MMS19: variants seen among roughly 807,000 people sequenced by gnomAD.
The protein encoded by MMS19 is MMS19 nucleotide excision repair protein homolog.
MMS19 carries 77 observed loss-of-function variants against 129.8 expected under a neutral mutation model. The observed-to-expected ratio is 0.59, with a 90% confidence interval of 0.49 to 0.72. MMS19 has a LOEUF of 0.72. MMS19 is among the 30% of genes least tolerant of loss of function. The pLI is 0.00. For missense variants in MMS19, 1,168 were observed against 1,266.3 expected (o/e 0.92, Z 1.18); for synonymous variants, 491 against 502.8 (o/e 0.98, Z 0.31).
At chr10:97,471,234 C>T (rs1277372499) in intron 8 of MMS19, among the ~76,000 whole-genome samples, 1 of 151,882 alleles carries the variant, frequency 6.6e-6, no homozygotes, top group Non-Finnish European at 1.5e-5. Context: ...TAATTTTTTT[C>T]ACTTAACATA....
intron 4 of MMS19, 41 bp downstream of exon 4, chr10:97,478,263 C>G: frequency 6.7e-7 from 1 of 1,492,910 alleles, no homozygotes; most frequent in Non-Finnish European, 9.2e-7. Context: ...GACAAGGGCT[C>G]CCTTGAACAA....
rs777390743 is a variant in MMS19, at chr10:97,481,008, C to T, written c.196G>A (p.Ala66Thr). ...SLENPEPRTR[A>T]RAIQLLSQVL... is the part of the protein sequence containing the mutation. ...TGTGACAAAAGCTGGATTGCTCGTGCCCGAGTTCGGGGTTCTGGATTCTCT... is the reference window on the plus strand; with the variant it reads ...TGTGACAAAAGCTGGATTGCTCGTGTCCGAGTTCGGGGTTCTGGATTCTCT... Residue 66 changes from alanine (A) to threonine (T), a missense_variant, in exon 3 of 31, where the codon GCA becomes ACA. Physicochemically the swap from Ala to Thr is moderately conservative, Grantham distance 58. Transcript: ENST00000438925. 2 of 1,608,428 alleles carry T rather than the reference C, an allele frequency of 1.2e-6. No homozygotes were observed. Among genetic ancestry groups the T allele is most frequent in the Non-Finnish European group, 1.7e-6 (2 of 1,177,172 alleles).
chr10:97,477,933 G>C lies in MMS19; in HGVS notation c.349-4C>G, dbSNP rs375338139. ...GGGGCAGGGCCACACACAGGCTCTG[G>C]GGGAGAGGAGAAGGTACGTGAATAC... On this transcript the variant is annotated splice_region_variant and splice_polypyrimidine_tract_variant and intron_variant, in intron 4 of 30. Transcript: ENST00000438925. 2.1e-5 allele frequency: 34 copies of C among 1,588,130 alleles called. No individual in the cohort carries two copies. Among genetic ancestry groups the C allele is most frequent in the Non-Finnish European group, 2.8e-5 (33 of 1,170,298 alleles).
At chr10:97,498,619 T>A, upstream of MMS19, 1 of 525,486 alleles carries the variant, frequency 1.9e-6, no homozygotes, top group Non-Finnish European at 3.3e-6. Flanking sequence ...TGAGGGCGAA[T>A]AATTCCCAGC....
Position 97,474,589 on chromosome 10 carries a change from C to A in MMS19, c.684+2094G>T, listed in dbSNP as rs375088201. On this transcript the variant is annotated intron_variant, in intron 8 of 30. Coordinates refer to ENST00000438925, the MANE Select transcript of MMS19 (RefSeq NM_022362.5). Reference sequence around the variant, plus strand: ...AGAACAGAACCAACAACAATAAAAACCCTGATTTGTAAGACAATAAAGAGT... The same window carrying A: ...AGAACAGAACCAACAACAATAAAAAACCTGATTTGTAAGACAATAAAGAGT... 1.8e-4 allele frequency among the ~76,000 whole-genome samples: 28 copies of A among 152,140 alleles called. No homozygotes were observed. In the South Asian group the frequency reaches 5.6e-3, roughly 30 times the overall value.
At position 97,469,112 on chromosome 10, in the gene MMS19, G is replaced by A. The variant is rs2034158260; in HGVS notation, c.925-8C>T. On this transcript the variant is annotated splice_polypyrimidine_tract_variant and splice_region_variant and intron_variant, in intron 11 of 30. Coordinates refer to ENST00000438925, the MANE Select transcript of MMS19 (RefSeq NM_022362.5). The stretch of plus-strand genomic sequence containing the variant: ...ACTTGCCGTCTGGAACACCTGTCAG[G>A]GAGGGATCCCATGGCTACTGAGGTG... 6.4e-7 allele frequency: 1 copy of A among 1,568,716 alleles called. No individual in the cohort carries two copies. The highest frequency in any genetic ancestry group is 8.6e-7 in the Non-Finnish European group (1 of 1,161,636).
chr10:97,466,574 A>G lies in MMS19; in HGVS notation c.1435T>C (p.Tyr479His). The part of the protein sequence containing the change: ...VLGAQPDLLS[Y>H]EDLELAVGHL... ...CCCACTGCCAGCTCCAAGTCCTCAT[A>G]AGATAGGAGATCTGTAGTTAGAAGG... is the stretch of plus-strand genomic sequence containing the variant. Residue 479 changes from tyrosine (Y) to histidine (H), a missense_variant, in exon 16 of 31, where the codon TAT (tyrosine) becomes CAT (histidine). Coordinates refer to ENST00000438925, the MANE Select transcript of MMS19 (RefSeq NM_022362.5). The G allele has an allele frequency of 6.2e-7, 1 of 1,613,206 alleles. No individual in the cohort carries two copies.
At chr10:97,498,558 G>A (rs2040243019), upstream of MMS19, 1 of 782,496 alleles carries the variant, frequency 1.3e-6, no homozygotes. Context: ...CTGAAATGGG[G>A]CGGTGGCACC....
intron 1 of MMS19, among the ~76,000 whole-genome samples, chr10:97,488,863 C>CA (rs1205207276): frequency 6.6e-6 from 1 of 152,224 alleles, no homozygotes; most frequent in Non-Finnish European, 1.5e-5. Flanking sequence ...TGACTGCAAA[C>CA]AACACATGCC....
chr10:97,483,011 C>T (rs187437091), intron 2 of MMS19, among the ~76,000 whole-genome samples: 38 of 152,028 alleles, frequency 2.5e-4, no homozygotes, highest in Admixed American at 1.4e-3. Context: ...CCGCCCACCT[C>T]GGCCTCCCAA....
chr10:97,458,957 CT>C, intron 29 of MMS19, 57 bp from the exon 30 acceptor site: 1 of 1,527,200 alleles, frequency 6.5e-7, no homozygotes, highest in Non-Finnish European at 9.1e-7. Context: ...GAAAGTACCG[CT>C]TTTTTGATTC....
chr10:97,460,291 T>A, intron 25 of MMS19, 59 bp from the exon 26 acceptor site: 1 of 1,522,564 alleles, frequency 6.6e-7, no homozygotes. Flanking sequence ...GTGCCAAAGA[T>A]AAGGATGGGG....
intron 10 of MMS19, 125 bp from the exon 11 acceptor site, chr10:97,469,848 A>G (rs2034315425): frequency 2.6e-6 from 2 of 762,490 alleles, no homozygotes; most frequent in Non-Finnish European, 4.3e-6. Context: ...AAGATTTTTA[A>G]CAGTCCTACT....
At position 97,462,682 on chromosome 10, in the gene MMS19, T is replaced by C. The variant is rs143832985; in HGVS notation, c.1913A>G (p.Glu638Gly). Residue 638 changes from glutamate to glycine, a missense_variant and splice_region_variant, in exon 20 of 31, where the codon GAG (glutamate) becomes GGG (glycine). Physicochemically the swap from Glu to Gly is moderately conservative, Grantham distance 98 (BLOSUM62 -2). This residue lies in a region of MMS19 where 831 missense variants were observed against 910.8 expected (regional missense o/e 0.91). Transcript: ENST00000438925. The stretch of plus-strand genomic sequence containing the variant: ...TTTTCTCAGAACTGAGGGCTCCTTC[T>C]CTGCAAAACACACACACATGCACAC... ...LALAVQASMP[E>G]KEPSVLRKVL... 338 of 1,610,174 alleles carry C rather than the reference T, an allele frequency of 2.1e-4. No individual in the cohort carries two copies. The highest frequency in any genetic ancestry group is 2.8e-4 in the Non-Finnish European group (327 of 1,176,564).
intron 25 of MMS19, 57 bp downstream of exon 25, chr10:97,460,638 G>T: frequency 7.1e-7 from 1 of 1,414,472 alleles, no homozygotes; most frequent in South Asian, 1.2e-5. Flanking sequence ...GGAGGAATAG[G>T]AGCAACCAGA....
rs376926583 is a variant in MMS19 at position 97,465,864 on chromosome 10, G to A, written c.1697C>T (p.Pro566Leu). Residue 566 changes from proline (P) to leucine (L), a missense_variant, in exon 18 of 31, where the codon CCC (proline) becomes CTC (leucine). By Grantham distance (98) the Pro-to-Leu change is moderately conservative (BLOSUM62 -3). Transcript: ENST00000438925. ...AGGCAGTGTCTCCTTGACGATGCTG[G>A]GATGTGTTGATACAGCTGACAAGGC... The part of the protein sequence containing the change: ...LQALSAVSTH[P>L]SIVKETLPLL... The A allele has an allele frequency of 2.4e-5, 38 of 1,613,816 alleles. No individual in the cohort carries two copies. The African/African-American group carries it at 4.7e-4, about 20-fold the overall frequency.
At chr10:97,494,195 G>C (rs1005270399) in intron 1 of MMS19, among the ~76,000 whole-genome samples, 2 of 152,182 alleles carry the variant, frequency 1.3e-5, no homozygotes, top group African/African-American at 4.8e-5. Context: ...GAGGGTCTAA[G>C]ATTTTCCAAC....
chr10:97,498,783 G>C, upstream of MMS19: 1 of 273,698 alleles, frequency 3.7e-6, no homozygotes, highest in South Asian at 6.6e-5. Context: ...TGGTGGCGGC[G>C]GCGCGGGCAC....
At chr10:97,466,467 G>A in intron 16 of MMS19, 37 bp downstream of exon 16, 3 of 1,496,508 alleles carry the variant, frequency 2.0e-6, no homozygotes, top group Non-Finnish European at 2.8e-6. Context: ...CAGAGGCAGG[G>A]AACAGCTTGC....
Sources: gnomAD v4.1 joint callset for allele counts (sites outside exome capture counted in the v4.1 genomes callset) on GRCh38, gnomAD v4.1.1 for gene constraint, gnomAD v4.1.1 regional missense constraint, MANE v1.5 for transcripts, NCBI Gene and HGNC (gene_info 2026-07-23, HGNC 2026-07-21) for gene names.